IRF2: variants seen among roughly 807,000 people sequenced by gnomAD.
IRF2 encodes interferon regulatory factor 2.
In IRF2, 15 loss-of-function variants were observed where a neutral mutation model predicts 40.6. The ratio of observed to expected loss-of-function variants is 0.37; its 90% confidence interval spans 0.25 to 0.57. The LOEUF is 0.57. IRF2 is among the 20% of genes least tolerant of loss of function. The probability of loss-of-function intolerance (pLI) is 0.77; values close to 1 mark genes in which losing one functional copy is unlikely to be tolerated. For synonymous variants in IRF2, 151 were observed against 165.5 expected (o/e 0.91, Z 0.67); for missense variants, 317 against 455.7 (o/e 0.70, Z 2.77).
At chr4:184,396,031 C>T (rs1207591855) in intron 7 of IRF2, among the ~76,000 whole-genome samples, 2 of 152,152 alleles carry the variant, frequency 1.3e-5, no homozygotes, top group Non-Finnish European at 2.9e-5. Context: ...AGCTCCAACC[C>T]CCTAAAAAAA....
intron 1 of IRF2, among the ~76,000 whole-genome samples, chr4:184,456,325 G>A (rs1443896045): frequency 2.0e-5 from 3 of 152,208 alleles, no homozygotes; most frequent in Non-Finnish European, 4.4e-5. Context: ...ATCTGAACTG[G>A]GCCTGGAAGC....
intron 1 of IRF2, among the ~76,000 whole-genome samples, chr4:184,443,643 T>C (rs1738397145): frequency 6.6e-6 from 1 of 152,254 alleles, no homozygotes; most frequent in African/African-American, 2.4e-5. Flanking sequence ...AGTCCATATC[T>C]TTGCTATTGT....
At chr4:184,416,315 C>G (rs1336677318) in intron 5 of IRF2, among the ~76,000 whole-genome samples, 2 of 102,512 alleles carry the variant, frequency 2.0e-5, no homozygotes, top group Non-Finnish European at 3.6e-5. Flanking sequence ...AAGACCTTGT[C>G]TCAAAAAAAA....
chr4:184,436,133 T>G (rs1055101510), intron 1 of IRF2, among the ~76,000 whole-genome samples: 4 of 152,038 alleles, frequency 2.6e-5, no homozygotes, highest in African/African-American at 9.7e-5. Flanking sequence ...CCCACCACCA[T>G]GCCCAGCTAA....
chr4:184,471,015 CT>C (rs1739497099), intron 1 of IRF2, among the ~76,000 whole-genome samples: 1 of 152,048 alleles, frequency 6.6e-6, no homozygotes, highest in Admixed American at 6.5e-5. Context: ...CATGTTTAAT[CT>C]TTTATCATTA....
chr4:184,392,478 C>A (rs1736292859), intron 7 of IRF2, among the ~76,000 whole-genome samples: 1 of 152,182 alleles, frequency 6.6e-6, no homozygotes, highest in Non-Finnish European at 1.5e-5. Flanking sequence ...CACAGGGGTC[C>A]CACGTCAGCA....
At chr4:184,420,176 CT>C (rs1228050875) in intron 2 of IRF2, among the ~76,000 whole-genome samples, 2 of 152,064 alleles carry the variant, frequency 1.3e-5, no homozygotes, top group Non-Finnish European at 2.9e-5. Context: ...CCCTGTGCCT[CT>C]TTTTTTTATA....
intron 1 of IRF2, among the ~76,000 whole-genome samples, chr4:184,430,666 A>G (rs996244011): frequency 9.9e-5 from 15 of 151,910 alleles, no homozygotes; most frequent in African/African-American, 3.6e-4. Context: ...CTCTTTTCCT[A>G]ACCAAATTTA....
At chr4:184,460,704 C>T (rs1052747832) in intron 1 of IRF2, among the ~76,000 whole-genome samples, 1 of 151,548 alleles carries the variant, frequency 6.6e-6, no homozygotes, top group African/African-American at 2.4e-5. Flanking sequence ...CACATGCACA[C>T]GCACACACAC....
intron 5 of IRF2, among the ~76,000 whole-genome samples, chr4:184,409,005 A>G (rs764238208): frequency 1.3e-5 from 2 of 152,158 alleles, no homozygotes; most frequent in Non-Finnish European, 2.9e-5. Context: ...TTTTTTTTCA[A>G]GTGCACCAGA....
intron 1 of IRF2, among the ~76,000 whole-genome samples, chr4:184,432,806 C>T (rs1013860170): frequency 2.6e-5 from 4 of 152,198 alleles, no homozygotes; most frequent in Admixed American, 6.5e-5. Flanking sequence ...GCTAACCATG[C>T]CTGGAGCCAC....
intron 1 of IRF2, among the ~76,000 whole-genome samples, chr4:184,456,088 G>A (rs1450472813): frequency 2.6e-5 from 4 of 152,150 alleles, no homozygotes; most frequent in Non-Finnish European, 4.4e-5. Flanking sequence ...CCTGCCCTGC[G>A]GCCGCACACC....
chr4:184,473,292 C>T (rs1330269527), intron 1 of IRF2, among the ~76,000 whole-genome samples: 1 of 150,328 alleles, frequency 6.7e-6, no homozygotes, highest in African/African-American at 2.4e-5. Flanking sequence ...ACGCCGGCCC[C>T]CACTGCGCCG....
intron 2 of IRF2, among the ~76,000 whole-genome samples, chr4:184,424,916 C>T (rs1579841949): frequency 6.6e-6 from 1 of 152,216 alleles, no homozygotes; most frequent in African/African-American, 2.4e-5. Context: ...AAAAACACCA[C>T]CAATGTTGCT....
chr4:184,466,762 TCA>T (rs1241889109), intron 1 of IRF2, among the ~76,000 whole-genome samples: 1 of 152,170 alleles, frequency 6.6e-6, no homozygotes, highest in Admixed American at 6.5e-5. Flanking sequence ...TGTGTGAACA[TCA>T]CAGAGTGTAC....
intron 1 of IRF2, among the ~76,000 whole-genome samples, chr4:184,463,451 T>C (rs1042242722): frequency 5.2e-4 from 79 of 152,308 alleles, no homozygotes; most frequent in African/African-American, 1.8e-3. Context: ...AAATACTCAG[T>C]ATGAAAAATG....
At chr4:184,450,958 G>A (rs1034066026) in intron 1 of IRF2, among the ~76,000 whole-genome samples, 6 of 151,948 alleles carry the variant, frequency 3.9e-5, no homozygotes, top group African/African-American at 1.5e-4. Flanking sequence ...GGAAGCCCTG[G>A]TGCAAACCGA....
rs1739649223 is a variant in IRF2, at chr4:184,474,437, G to A, written c.-65C>T. On this transcript the variant is annotated 5_prime_UTR_variant, in exon 1 of 9. Coordinates refer to ENST00000393593, the MANE Select transcript of IRF2 (RefSeq NM_002199.4). The surrounding 1 kb of genome is among the most constrained non-coding windows in gnomAD (Gnocchi z 5.6). ...ATTCCGCAAGGTATAAGTGTTGCTA[G>A]GGTATGTGAAATGGAAATGAAAGCC... 1.3e-5 allele frequency: 2 copies of A among 152,284 alleles called. No homozygotes were observed. 9.4% of individuals were successfully genotyped at this position (152,284 alleles called of 1,614,324 possible). A position where few individuals can be genotyped will look rare whatever the true frequency, so the allele number is the denominator to read the frequency against.
intron 1 of IRF2, among the ~76,000 whole-genome samples, chr4:184,437,320 T>A (rs563412186): frequency 6.6e-6 from 1 of 152,238 alleles, no homozygotes; most frequent in South Asian, 2.1e-4. Flanking sequence ...CCTCCCAAAG[T>A]CCTGGGATTA....
Sources: gnomAD v4.1 joint callset for allele counts (sites outside exome capture counted in the v4.1 genomes callset) on GRCh38, gnomAD v4.1.1 for gene constraint, Gnocchi (gnomAD v3.1) non-coding constraint, MANE v1.5 for transcripts, NCBI Gene and HGNC (gene_info 2026-07-23, HGNC 2026-07-21) for gene names.